Variants in GOT1 observed in about 807,000 individuals in gnomAD.
GOT1 encodes glutamic-oxaloacetic transaminase 1.
A neutral mutation model predicts 48.2 loss-of-function variants in GOT1; 25 were observed. The ratio of observed to expected loss-of-function variants is 0.52; its 90% CI spans 0.38 to 0.72. The LOEUF (loss-of-function observed/expected upper bound fraction) is 0.72, where lower values mean the gene tolerates loss of function less well. Ranked by LOEUF, GOT1 falls within the 30% of genes least tolerant of loss-of-function variation. The pLI is 0.00. For missense variants in GOT1, 380 were observed against 520.1 expected (o/e 0.73, Z 2.62); for synonymous variants, 188 against 193.8 (o/e 0.97, Z 0.25).
chr10:99,430,366 G>A (rs1472481860), intron 1 of GOT1, 82 bp downstream of exon 1: 17 of 1,607,590 alleles, frequency 1.1e-5, no homozygotes, highest in Non-Finnish European at 1.4e-5. Flanking sequence ...CTGGGCCTCG[G>A]CTTCTCCCAC....
chr10:99,429,660 T>C (rs897030175), intron 1 of GOT1, among the ~76,000 whole-genome samples: 1 of 152,078 alleles, frequency 6.6e-6, no homozygotes. Context: ...GGGTAAAAAA[T>C]TTGAGAGGCA....
chr10:99,421,165 AAT>A (rs2134108015), intron 1 of GOT1, among the ~76,000 whole-genome samples: 1 of 152,324 alleles, frequency 6.6e-6, no homozygotes, highest in Admixed American at 6.5e-5. Context: ...ATGTCATGTC[AAT>A]ATCACTAGTG....
chr10:99,422,943 A>G (rs1261073882), intron 1 of GOT1, among the ~76,000 whole-genome samples: 1 of 152,262 alleles, frequency 6.6e-6, no homozygotes, highest in Non-Finnish European at 1.5e-5. Context: ...ACAATACTTC[A>G]GTGAACGACC....
At chr10:99,419,939 C>T (rs2032945512) in intron 2 of GOT1, among the ~76,000 whole-genome samples, 1 of 152,176 alleles carries the variant, frequency 6.6e-6, no homozygotes. Flanking sequence ...ATGTGTTCTT[C>T]CTCCATGTAT....
Position 99,403,608 on chromosome 10 carries a change from C to T in GOT1, c.820G>A (p.Val274Ile), listed in dbSNP as rs2032715325. ...YNERVGNLTV[V>I]GKEPESILQV... ...AGGATGCTCTCAGGTTCTTTTCCAA[C>T]CACAGTCAGATTCCCGACTCTCTCA... is the stretch of plus-strand genomic sequence containing the variant. The change falls in exon 7 of 9, where the codon GTT becomes ATT. Residue 274 changes from valine (V) to isoleucine (I), a missense_variant. Coordinates refer to ENST00000370508, the MANE Select transcript of GOT1 (RefSeq NM_002079.3). 6.2e-7 allele frequency: 1 copy of T among 1,614,134 alleles called. No individual in the cohort carries two copies. Among genetic ancestry groups the T allele is most frequent in the Non-Finnish European group, 8.5e-7 (1 of 1,180,010 alleles).
intron 2 of GOT1, among the ~76,000 whole-genome samples, chr10:99,415,857 T>C (rs999950020): frequency 3.9e-5 from 6 of 152,112 alleles, no homozygotes; most frequent in African/African-American, 1.2e-4. Flanking sequence ...ATTATCTCAA[T>C]AGATGCAGAA....
intron 1 of GOT1, among the ~76,000 whole-genome samples, chr10:99,422,191 C>G (rs946136781): frequency 6.6e-6 from 1 of 152,148 alleles, no homozygotes; most frequent in Admixed American, 6.5e-5. Flanking sequence ...GTGTATAGCA[C>G]CTCCCGCTTT....
chr10:99,423,158 G>C (rs1396020192), intron 1 of GOT1, among the ~76,000 whole-genome samples: 2 of 152,232 alleles, frequency 1.3e-5, no homozygotes, highest in Non-Finnish European at 2.9e-5. Context: ...CGCACTGAGT[G>C]TATTTTTGCC....
intron 7 of GOT1, among the ~76,000 whole-genome samples, chr10:99,403,083 G>C (rs948004227): frequency 6.6e-6 from 1 of 151,946 alleles, no homozygotes; most frequent in African/African-American, 2.4e-5. Flanking sequence ...AAAAATTACT[G>C]TTCTAAAATA....
Position 99,406,171 on chromosome 10 carries a change from C to A in GOT1, c.503G>T (p.Gly168Val). The A allele has an allele frequency of 1.2e-6, 2 of 1,613,512 alleles. No homozygotes were observed. Among genetic ancestry groups the A allele is most frequent in the Non-Finnish European group, 1.7e-6 (2 of 1,179,376 alleles). Residue 168 changes from glycine to valine, a missense_variant, in exon 4 of 9, where the codon GGA becomes GTA. Physicochemically the swap from Gly to Val is moderately radical, Grantham distance 109. Coordinates refer to ENST00000370508, the MANE Select transcript of GOT1 (RefSeq NM_002079.3). Reference sequence around the variant, plus strand: ...ATTCAGGAAGCCCTGGAGGTCCAATCCTCTCTTCTCTGCATCCCAGTAGCG... The same window carrying A: ...ATTCAGGAAGCCCTGGAGGTCCAATACTCTCTTCTCTGCATCCCAGTAGCG... ...SYRYWDAEKRGLDLQGFLNDL... is the reference protein window; with the variant it reads ...SYRYWDAEKRVLDLQGFLNDL...
intron 8 of GOT1, among the ~76,000 whole-genome samples, chr10:99,400,304 G>A (rs1229837414): frequency 6.6e-6 from 1 of 152,220 alleles, no homozygotes; most frequent in Non-Finnish European, 1.5e-5. Context: ...ACTAGGTGGC[G>A]GATATATAGG....
At chr10:99,406,941 C>T in intron 2 of GOT1, 92 bp from the exon 3 acceptor site, 1 of 1,159,704 alleles carries the variant, frequency 8.6e-7, no homozygotes, top group South Asian at 1.3e-5. Flanking sequence ...TACTCTATGC[C>T]TGCTCTGTGC....
rs753219987 is a variant in GOT1 at position 99,402,684 on chromosome 10, G to A, written c.998C>T (p.Thr333Ile). 5.0e-5 allele frequency: 81 copies of A among 1,613,694 alleles called. No individual in the cohort carries two copies. Among genetic ancestry groups the A allele is most frequent in the Non-Finnish European group, 6.6e-5 (78 of 1,179,710 alleles). ...NVKTMADRIL[T>I]MRSELRARLE... The stretch of plus-strand genomic sequence containing the variant: ...TCGTGCCCTGAGTTCAGATCTCATG[G>A]TCAGAATCCGGTCAGCCATTGTCTT... Residue 333 changes from threonine (T) to isoleucine (I), a missense_variant, in exon 8 of 9, where the codon ACC becomes ATC. Coordinates refer to ENST00000370508, the MANE Select transcript of GOT1 (RefSeq NM_002079.3).
chr10:99,404,989 C>T (rs1191193266), intron 5 of GOT1, among the ~76,000 whole-genome samples: 1 of 152,156 alleles, frequency 6.6e-6, no homozygotes, highest in African/African-American at 2.4e-5. Flanking sequence ...CCCGCCAACT[C>T]CCACATATAC....
chr10:99,405,922 C>T lies in GOT1; in HGVS notation c.538-62G>A, dbSNP rs572121062. The T allele has an allele frequency of 8.0e-5, 79 of 985,698 alleles. No homozygotes were observed. In the South Asian group the frequency reaches 9.7e-4, roughly 12 times the overall value. 61.1% of individuals were successfully genotyped at this position (985,698 alleles called of 1,614,324 possible). A position where few individuals can be genotyped will look rare whatever the true frequency, so the allele number is the denominator to read the frequency against. On this transcript the variant is annotated intron_variant, in intron 4 of 8. Coordinates refer to ENST00000370508, the MANE Select transcript of GOT1 (RefSeq NM_002079.3). ...TGGGAATATTGGGAGACAGAGTCAGCAGCAGATTGGTCAGTGATGGAGGGC... is the reference window on the plus strand; with the variant it reads ...TGGGAATATTGGGAGACAGAGTCAGTAGCAGATTGGTCAGTGATGGAGGGC...
chr10:99,419,402 C>T (rs2032938679), intron 2 of GOT1, among the ~76,000 whole-genome samples: 1 of 152,136 alleles, frequency 6.6e-6, no homozygotes, highest in South Asian at 2.1e-4. Flanking sequence ...CTTCTCCTGC[C>T]CTGGCTGCCA....
rs182713244 is a variant in GOT1 at position 99,414,646 on chromosome 10, C to T, written c.300+5978G>A. Among the ~76,000 whole-genome samples the T allele has an allele frequency of 4.0e-3, 606 of 152,280 alleles. 3 individuals carry two copies. Among genetic ancestry groups the T allele is most frequent in the South Asian group, 8.3e-3 (40 of 4,828 alleles). The stretch of plus-strand genomic sequence containing the variant: ...AAATCAACAGAATATACATTCTTCT[C>T]AGCACCACACCACACTTATTTCAAA... On this transcript the variant is annotated intron_variant, in intron 2 of 8. Coordinates refer to ENST00000370508, the MANE Select transcript of GOT1 (RefSeq NM_002079.3).
Position 99,406,229 on chromosome 10 carries a change from A to G in GOT1, c.445T>C (p.Ser149Pro). Residue 149 changes from serine to proline, a missense_variant, in exon 4 of 9, where the codon TCC becomes CCC. Coordinates refer to ENST00000370508, the MANE Select transcript of GOT1 (RefSeq NM_002079.3). ...CGAATGTCTTTAAAACCAGCAGCGG[A>G]AAACACAGCATTGTGATTCTCTGCA... ...PTWENHNAVF[S>P]AAGFKDIRSY... 1 of 1,613,296 alleles carries G rather than the reference A, an allele frequency of 6.2e-7. No homozygotes were observed. The highest frequency in any genetic ancestry group is 1.1e-5 in the South Asian group (1 of 91,056).
chr10:99,417,260 G>A (rs1392025815), intron 2 of GOT1, among the ~76,000 whole-genome samples: 1 of 152,158 alleles, frequency 6.6e-6, no homozygotes, highest in African/African-American at 2.4e-5. Flanking sequence ...CCATCAACAA[G>A]TGGGCGAAGG....
Sources: allele counts gnomAD v4.1 joint callset (sites outside exome capture counted in the v4.1 genomes callset), GRCh38; gene constraint gnomAD v4.1.1; transcripts MANE v1.5; gene names NCBI Gene and HGNC (gene_info 2026-07-23, HGNC 2026-07-21).